KLF12: variants seen among roughly 807,000 people sequenced by gnomAD.
The protein encoded by KLF12 is Krueppel-like factor 12.
KLF12 carries 9 observed loss-of-function variants against 37.8 expected under a neutral mutation model. That is an observed-to-expected ratio of 0.24 (90% CI 0.14 to 0.42). The LOEUF is 0.42. KLF12 is among the 10% of genes least tolerant of loss of function. The pLI is 1.00. For missense variants in KLF12, 411 were observed against 516.0 expected (o/e 0.80, Z 1.97); for synonymous variants, 208 against 202.1 (o/e 1.03, Z -0.25).
At chr13:73,783,602 C>T (rs1041800036) in intron 5 of KLF12, among the ~76,000 whole-genome samples, 1 of 151,978 alleles carries the variant, frequency 6.6e-6, no homozygotes, top group African/African-American at 2.4e-5. Flanking sequence ...TAAATATGTA[C>T]AAGTATTATG....
chr13:74,189,657 A>C, the KLF12 span, among the ~76,000 whole-genome samples: 1 of 152,232 alleles, frequency 6.6e-6, no homozygotes, highest in South Asian at 2.1e-4. Context: ...CCCTCAGTTC[A>C]ACCAGTGTTG....
chr13:74,270,319 G>A, the KLF12 span, among the ~76,000 whole-genome samples: 1 of 152,180 alleles, frequency 6.6e-6, no homozygotes, highest in Non-Finnish European at 1.5e-5. Flanking sequence ...AGAGGGTTAG[G>A]GTTTTGCAGG....
chr13:74,208,128 C>G, the KLF12 span, among the ~76,000 whole-genome samples: 1,170 of 152,248 alleles, frequency 7.7e-3, 5 homozygotes, highest in Non-Finnish European at 0.012. Flanking sequence ...ATTCAAGACC[C>G]TTTTTGGTTA....
At chr13:74,037,811 T>C (rs1893296356) in intron 1 of KLF12, among the ~76,000 whole-genome samples, 1 of 152,190 alleles carries the variant, frequency 6.6e-6, no homozygotes, top group Admixed American at 6.5e-5. Context: ...GGGCAATGAA[T>C]ACAGATAAAA....
intron 3 of KLF12, among the ~76,000 whole-genome samples, chr13:73,847,223 G>A (rs1262750664): frequency 6.6e-6 from 1 of 152,092 alleles, no homozygotes; most frequent in Non-Finnish European, 1.5e-5. Context: ...TGGCATAAGA[G>A]TACTATTAGT....
At chr13:74,281,642 G>A in the KLF12 span, among the ~76,000 whole-genome samples, 1 of 152,138 alleles carries the variant, frequency 6.6e-6, no homozygotes, top group East Asian at 1.9e-4. Context: ...ATGGAATAAG[G>A]CTATAGAATG....
chr13:73,883,953 T>A (rs1389503636), intron 3 of KLF12, among the ~76,000 whole-genome samples: 1 of 152,192 alleles, frequency 6.6e-6, no homozygotes, highest in African/African-American at 2.4e-5. Flanking sequence ...ATAGAAGTTA[T>A]CTGGAGAAAG....
chr13:73,733,996 C>G (rs529976449), intron 6 of KLF12, among the ~76,000 whole-genome samples: 1 of 152,310 alleles, frequency 6.6e-6, no homozygotes, highest in South Asian at 2.1e-4. Context: ...CCTGAGATCT[C>G]TTCATTCTGT....
the KLF12 span, among the ~76,000 whole-genome samples, chr13:74,302,324 T>C: frequency 1.5e-4 from 23 of 152,278 alleles, no homozygotes; most frequent in African/African-American, 4.6e-4. Flanking sequence ...TGGTGTGAAC[T>C]TCACTTACAA....
At chr13:74,003,188 T>C (rs780871000) in intron 1 of KLF12, among the ~76,000 whole-genome samples, 69 of 152,142 alleles carry the variant, frequency 4.5e-4, no homozygotes, top group Non-Finnish European at 8.5e-4. Context: ...GAACGGAGTA[T>C]AGTGGGAAGT....
At chr13:73,913,688 C>T (rs762010716) in intron 3 of KLF12, among the ~76,000 whole-genome samples, 7 of 151,986 alleles carry the variant, frequency 4.6e-5, no homozygotes, top group Non-Finnish European at 1.0e-4. Flanking sequence ...TTAAACTTGG[C>T]AAAAAGACAG....
At chr13:74,122,693 A>G (rs941473104) in intron 1 of KLF12, among the ~76,000 whole-genome samples, 2 of 152,096 alleles carry the variant, frequency 1.3e-5, no homozygotes, top group African/African-American at 4.8e-5. Context: ...AATACAATAT[A>G]ACAAATTTTT....
intron 1 of KLF12, among the ~76,000 whole-genome samples, chr13:74,110,389 T>C (rs757773479): frequency 6.6e-6 from 1 of 152,222 alleles, no homozygotes; most frequent in East Asian, 1.9e-4. Flanking sequence ...CTACAAGAAT[T>C]ACAGTTCTAA....
At chr13:74,273,889 C>A in the KLF12 span, among the ~76,000 whole-genome samples, 1 of 152,006 alleles carries the variant, frequency 6.6e-6, no homozygotes, top group South Asian at 2.1e-4. Context: ...AAGAATAATA[C>A]GAAGTATTAT....
In KLF12 at chr13:73,813,183, T is replaced by C. The variant is rs755910688; in HGVS notation, c.775A>G (p.Thr259Ala). ...ACTGCTCTGGCTATGGAAAGGGCCG[T>C]AGATCCAGTTTCATTAACGCTATCT... Residue 259 changes from threonine (T) to alanine (A), a missense_variant, in exon 5 of 8, where the codon ACG becomes GCG. Coordinates refer to ENST00000377669, the MANE Select transcript of KLF12 (RefSeq NM_007249.5). 6.2e-7 allele frequency: 1 copy of C among 1,614,088 alleles called. No homozygotes were observed. The highest frequency in any genetic ancestry group is 1.7e-5 in the Admixed American group (1 of 60,016).
At chr13:74,206,675 T>C in the KLF12 span, among the ~76,000 whole-genome samples, 2 of 152,236 alleles carry the variant, frequency 1.3e-5, no homozygotes, top group Admixed American at 1.3e-4. Context: ...AATGATTCTA[T>C]AATGAGAAGA....
intron 1 of KLF12, among the ~76,000 whole-genome samples, chr13:74,085,834 A>G (rs1278495302): frequency 6.6e-6 from 1 of 152,180 alleles, no homozygotes; most frequent in Non-Finnish European, 1.5e-5. Context: ...CTGTGGAGCA[A>G]ATACCAACTT....
chr13:73,833,365 A>G (rs1884265902), intron 4 of KLF12, among the ~76,000 whole-genome samples: 1 of 152,242 alleles, frequency 6.6e-6, no homozygotes, highest in South Asian at 2.1e-4. Flanking sequence ...AGTATCTATA[A>G]GGTACCACCA....
the KLF12 span, among the ~76,000 whole-genome samples, chr13:74,192,983 T>G: frequency 6.6e-6 from 1 of 150,464 alleles, no homozygotes; most frequent in Non-Finnish European, 1.5e-5. Context: ...TTTTCTGTTT[T>G]TTTTTTTTTT....
Sources: gnomAD v4.1 joint callset for allele counts (sites outside exome capture counted in the v4.1 genomes callset) on GRCh38, gnomAD v4.1.1 for gene constraint, MANE v1.5 for transcripts, NCBI Gene and HGNC (gene_info 2026-07-23, HGNC 2026-07-21) for gene names.